The following EFCAB5 variants were observed in gnomAD, a reference collection of about 807,000 sequenced individuals.
EFCAB5 encodes the protein EF-hand calcium-binding domain-containing protein 5.
EFCAB5 carries 131 observed loss-of-function variants against 167.9 expected under a neutral mutation model. The ratio of observed to expected loss-of-function variants is 0.78; its 90% CI spans 0.68 to 0.90. The LOEUF is 0.90. EFCAB5 is among the 40% of genes least tolerant of loss of function. EFCAB5 has a pLI of 0.00. For synonymous variants in EFCAB5, 574 were observed against 602.8 expected, an observed-to-expected ratio of 0.95 and a Z score of 0.70; for missense variants, 1,663 against 1,745.2, an observed-to-expected ratio of 0.95 and a Z score of 0.84.
intron 6 of EFCAB5, among the ~76,000 whole-genome samples, chr17:29,997,406 C>A (rs535330835): frequency 6.6e-6 from 1 of 151,404 alleles, no homozygotes. Flanking sequence ...TACAGTTGAC[C>A]ATTTTATTTG....
intron 9 of EFCAB5, among the ~76,000 whole-genome samples, chr17:30,051,694 A>G (rs1235056608): frequency 6.6e-6 from 1 of 152,070 alleles, no homozygotes; most frequent in East Asian, 1.9e-4. Context: ...AGTAGCTGGG[A>G]CTACAGGTGT....
At chr17:30,097,049 CATATAT>C (rs201697649) in intron 22 of EFCAB5, among the ~76,000 whole-genome samples, 72 of 50,942 alleles carry the variant, frequency 1.4e-3, no homozygotes, top group Non-Finnish European at 1.5e-3. Context: ...TATACATATA[CATATAT>C]ATATATTTTT....
At chr17:30,031,941 G>A (rs891311977) in intron 7 of EFCAB5, 1 of 151,944 alleles carries the variant, frequency 6.6e-6, no homozygotes, top group Admixed American at 6.6e-5. Context: ...GAGGTAGGAG[G>A]ATCACTTGAG....
chr17:30,042,052 A>G (rs1174234041), intron 8 of EFCAB5, among the ~76,000 whole-genome samples: 1 of 151,676 alleles, frequency 6.6e-6, no homozygotes, highest in African/African-American at 2.4e-5. Flanking sequence ...TCTGTCTCCC[A>G]GGCTGGAGTG....
intron 1 of EFCAB5, chr17:29,930,007 G>A: frequency 6.3e-7 from 1 of 1,597,088 alleles, no homozygotes; most frequent in Non-Finnish European, 8.5e-7. Context: ...CCATCTAGGC[G>A]CTGCTGGGTT....
intron 3 of EFCAB5, among the ~76,000 whole-genome samples, chr17:29,955,586 G>T (rs920223094): frequency 3.3e-5 from 5 of 151,954 alleles, no homozygotes; most frequent in East Asian, 1.9e-4. Context: ...TTTATTAGCT[G>T]CATGAGAGCA....
intron 12 of EFCAB5, 76 bp from the exon 13 acceptor site, chr17:30,057,600 C>A: frequency 2.4e-6 from 3 of 1,240,554 alleles, no homozygotes; most frequent in Middle Eastern, 2.6e-4. Context: ...ATATTCATTA[C>A]AATAGGCACT....
chr17:30,047,910 G>A (rs1486694829), intron 8 of EFCAB5, among the ~76,000 whole-genome samples: 1 of 152,212 alleles, frequency 6.6e-6, no homozygotes, highest in East Asian at 1.9e-4. Flanking sequence ...GGAAGAATTC[G>A]ACAAGACTTC....
At chr17:29,942,600 C>T (rs1031165843) in intron 2 of EFCAB5, among the ~76,000 whole-genome samples, 2 of 152,028 alleles carry the variant, frequency 1.3e-5, no homozygotes, top group Non-Finnish European at 2.9e-5. Context: ...TACTATCATG[C>T]TGAAAATGTA....
chr17:30,026,031 A>AG (rs2069312142), intron 7 of EFCAB5, among the ~76,000 whole-genome samples: 1 of 141,790 alleles, frequency 7.1e-6, no homozygotes, highest in Non-Finnish European at 1.5e-5. Flanking sequence ...GGGTGGGCGG[A>AG]GGGGGGAGGG....
At chr17:30,080,272 C>T (rs546007708) in intron 16 of EFCAB5, 31 bp downstream of exon 16, 4 of 1,493,850 alleles carry the variant, frequency 2.7e-6, no homozygotes, top group African/African-American at 1.4e-5. Context: ...TTGGTTTCAC[C>T]CTCCTAAAAA....
At chr17:29,996,408 G>A (rs1465295451) in intron 6 of EFCAB5, 48 bp downstream of exon 6, 1 of 1,445,670 alleles carries the variant, frequency 6.9e-7, no homozygotes, top group Non-Finnish European at 9.4e-7. Flanking sequence ...TTCTTTTTTG[G>A]GTGGGGGACA....
intron 3 of EFCAB5, among the ~76,000 whole-genome samples, chr17:29,952,802 G>C (rs759559425): frequency 2.6e-5 from 4 of 151,904 alleles, no homozygotes; most frequent in African/African-American, 9.7e-5. Flanking sequence ...TTAATATATA[G>C]GTAATTTTTT....
intron 8 of EFCAB5, among the ~76,000 whole-genome samples, chr17:30,040,136 T>C (rs747332300): frequency 3.9e-5 from 6 of 152,116 alleles, no homozygotes; most frequent in Non-Finnish European, 7.4e-5. Context: ...AGACATGGAG[T>C]GCATGGTAGC....
rs2070673296 is a variant in EFCAB5 at position 30,069,532 on chromosome 17, A to G, written c.2738-8683A>G. On this transcript the variant is annotated intron_variant, in intron 14 of 22. Transcript: ENST00000394835. The stretch of plus-strand genomic sequence containing the variant: ...ATATCAAGGAAGGCAACGAAGACAT[A>G]AGAGAGGCCATTAAAAACAACGCTG... 1.7e-5 allele frequency: 28 copies of G among 1,611,560 alleles called. No individual in the cohort carries two copies. The South Asian group carries it at 2.7e-4, about 16-fold the overall frequency.
upstream of EFCAB5, among the ~76,000 whole-genome samples, chr17:29,937,348 G>A (rs772106509): frequency 2.1e-4 from 32 of 152,034 alleles, no homozygotes; most frequent in South Asian, 8.3e-4. Context: ...CACCACGCCC[G>A]GCTAATTTTC....
Position 30,078,481 on chromosome 17 carries a change from G to A in EFCAB5, c.3004G>A (p.Glu1002Lys). 6.2e-7 allele frequency: 1 copy of A among 1,607,190 alleles called. No individual in the cohort carries two copies. The highest frequency in any genetic ancestry group is 8.5e-7 in the Non-Finnish European group (1 of 1,175,650). The change falls in exon 15 of 23, where the codon GAG becomes AAG. Residue 1002 changes from glutamate to lysine, a missense_variant. By Grantham distance (56) the Glu-to-Lys change is moderately conservative. Coordinates refer to ENST00000394835, the MANE Select transcript of EFCAB5 (RefSeq NM_198529.4). Reference sequence around the variant, plus strand: ...GGTGTCCCTAGAGCCGGTGTATAGTGAGACCTTTAAGGCCCTCATGCAGGT... The same window carrying A: ...GGTGTCCCTAGAGCCGGTGTATAGTAAGACCTTTAAGGCCCTCATGCAGGT... The part of the protein sequence containing the change: ...SGVSLEPVYS[E>K]TFKALMQDAE...
upstream of EFCAB5, among the ~76,000 whole-genome samples, chr17:29,939,854 T>C (rs930178605): frequency 2.6e-5 from 4 of 152,230 alleles, no homozygotes; most frequent in African/African-American, 9.6e-5. Flanking sequence ...TATCAGCATA[T>C]CTGCTATATG....
Position 29,942,162 on chromosome 17 carries a change from A to C in EFCAB5, c.43-78A>C, listed in dbSNP as rs2067307547. ...TGAAATTTTTAAAAATTAAAAGCTT[A>C]CTGTATTAAAGTATGAGACAGTAGT... On this transcript the variant is annotated intron_variant, in intron 1 of 22. Coordinates refer to ENST00000394835, the MANE Select transcript of EFCAB5 (RefSeq NM_198529.4). The C allele has an allele frequency of 2.5e-6, 3 of 1,217,854 alleles. No individual in the cohort carries two copies. In the South Asian group the frequency reaches 4.8e-5, roughly 19 times the overall value. 75.4% of individuals were successfully genotyped at this position (1,217,854 alleles called of 1,614,324 possible). A position where few individuals can be genotyped will look rare whatever the true frequency, so the allele number is the denominator to read the frequency against.
Sources: allele counts gnomAD v4.1 joint callset (sites outside exome capture counted in the v4.1 genomes callset), GRCh38; gene constraint gnomAD v4.1.1; transcripts MANE v1.5; gene names NCBI Gene and HGNC (gene_info 2026-07-23, HGNC 2026-07-21).